CTC1: variants seen among roughly 807,000 people sequenced by gnomAD.
CTC1 encodes CST complex subunit CTC1.
Under a neutral mutation model 136.3 loss-of-function variants are expected in CTC1, and 91 were observed. That is an observed-to-expected ratio of 0.67 (90% CI 0.56 to 0.79). The LOEUF (loss-of-function observed/expected upper bound fraction) is 0.79, where lower values mean the gene tolerates loss of function less well. Ranked by LOEUF, CTC1 falls within the 30% of genes least tolerant of loss-of-function variation. The pLI is 0.00. For synonymous variants in CTC1, 606 were observed against 613.8 expected (o/e 0.99, Z 0.19); for missense variants, 1,432 against 1,498.1 (o/e 0.96, Z 0.73).
rs1251823373 is a variant in CTC1, at chr17:8,226,071, G to A, written c.*2109C>T. On this transcript the variant is annotated 3_prime_UTR_variant, in exon 23 of 23. Coordinates refer to ENST00000651323, the MANE Select transcript of CTC1 (RefSeq NM_025099.6). ...GCAACATTTCTGCCCCTAAGTTAGA[G>A]AACCACCTTTTAGAGTGGCGATCTC... 1 of 152,120 alleles carries A rather than the reference G, an allele frequency of 6.6e-6. No homozygotes were observed. The highest frequency in any genetic ancestry group is 2.4e-5 in the African/African-American group (1 of 41,424). The allele number at this position is 152,120 out of a possible 1,614,324, so 9.4% of individuals were successfully genotyped here.
intron 8 of CTC1, 46 bp from the exon 9 acceptor site, chr17:8,234,972 C>A: frequency 6.3e-7 from 1 of 1,596,726 alleles, no homozygotes; most frequent in Non-Finnish European, 8.6e-7. Flanking sequence ...AAGAGCCTGC[C>A]TCTTCAAGAA....
At chr17:8,234,034 G>A (rs1875733087) in intron 10 of CTC1, among the ~76,000 whole-genome samples, 1 of 152,094 alleles carries the variant, frequency 6.6e-6, no homozygotes, top group Admixed American at 6.5e-5. Context: ...GCCCCGGCTG[G>A]AGTGCAGTGG....
Position 8,234,628 on chromosome 17 carries a change from AG to A in CTC1, c.1644del (p.Phe549SerfsTer7). 1.2e-6 allele frequency: 2 copies of A among 1,612,732 alleles called. No individual in the cohort carries two copies. The highest frequency in any genetic ancestry group is 2.2e-5 in the South Asian group (2 of 90,942). ...QKYTRLQTPS[S>X]FPTLATLKEE... ...TCTTTCAGGGTGGCCAGAGTGGGGA[AG>A]GAGGAGGGAGTCTGCAGCCGAGTGT... On this transcript the variant is annotated frameshift_variant, in exon 10 of 23. Coordinates refer to ENST00000651323, the MANE Select transcript of CTC1 (RefSeq NM_025099.6). LOFTEE classifies it high-confidence loss of function.
chr17:8,247,979 C>G, intron 1 of CTC1, 25 bp downstream of exon 1: 2 of 1,602,714 alleles, frequency 1.2e-6, no homozygotes, highest in Non-Finnish European at 1.7e-6. Context: ...AAAAAAGGAA[C>G]AAGAGACGTA....
chr17:8,243,166 A>T lies in CTC1; in HGVS notation c.34-18T>A. 1 of 1,608,018 alleles carries T rather than the reference A, an allele frequency of 6.2e-7. No individual in the cohort carries two copies. Among genetic ancestry groups the T allele is most frequent in the Non-Finnish European group, 8.5e-7 (1 of 1,177,392 alleles). ...GCTTGTTCCTGAGGAAAGTGAATTTAGTTAAAACATCTTGACTATCCGGCC... is the reference window on the plus strand; with the variant it reads ...GCTTGTTCCTGAGGAAAGTGAATTTTGTTAAAACATCTTGACTATCCGGCC... On this transcript the variant is annotated intron_variant, in intron 1 of 22. Coordinates refer to ENST00000651323, the MANE Select transcript of CTC1 (RefSeq NM_025099.6).
intron 2 of CTC1, among the ~76,000 whole-genome samples, chr17:8,240,300 A>G (rs1401500123): frequency 6.6e-6 from 1 of 151,574 alleles, no homozygotes. Flanking sequence ...GACTACAGGC[A>G]TGTGCCACCA....
At chr17:8,230,255 C>T in intron 17 of CTC1, 39 bp downstream of exon 17, 1 of 1,578,932 alleles carries the variant, frequency 6.3e-7, no homozygotes, top group East Asian at 2.2e-5. Flanking sequence ...AGAGCCACAT[C>T]AGTAGCAAGA....
rs756487472 is a variant in CTC1 at position 8,230,428 on chromosome 17, G to A, written c.2799C>T (p.Val933=). The change falls in exon 17 of 23, where the codon GTC becomes GTT. Residue 933 remains valine, a synonymous_variant. Coordinates refer to ENST00000651323, the MANE Select transcript of CTC1 (RefSeq NM_025099.6). ...GAMRRCVKLT[V]ALETAECEFP... The stretch of plus-strand genomic sequence containing the variant: ...ATTCACATTCAGCAGTCTCAAGAGC[G>A]ACTGTTAGCTTCACACACCTTCTCA... The A allele has an allele frequency of 2.5e-6, 4 of 1,613,950 alleles. No individual in the cohort carries two copies. Among genetic ancestry groups the A allele is most frequent in the African/African-American group, 1.3e-5 (1 of 74,906 alleles).
chr17:8,227,019 C>CA lies in CTC1; in HGVS notation c.*1160_*1161insT, dbSNP rs1438497402. The CA allele has an allele frequency of 6.6e-6, 1 of 152,244 alleles. No homozygotes were observed. Among genetic ancestry groups the CA allele is most frequent in the Non-Finnish European group, 1.5e-5 (1 of 68,044 alleles). The allele number at this position is 152,244 out of a possible 1,614,324, so 9.4% of individuals were successfully genotyped here. On this transcript the variant is annotated 3_prime_UTR_variant, in exon 23 of 23. Coordinates refer to ENST00000651323, the MANE Select transcript of CTC1 (RefSeq NM_025099.6). ...CCCGTACGGGGTTCGAACCCGCGAC[C>CA]TTGGCGTTATTAGCACCACGCTCTA...
chr17:8,239,240 G>A (rs1399298764), intron 2 of CTC1, among the ~76,000 whole-genome samples: 2 of 152,156 alleles, frequency 1.3e-5, no homozygotes, highest in Non-Finnish European at 2.9e-5. Context: ...AAATGAATGT[G>A]TGGGGAGAAC....
intron 1 of CTC1, among the ~76,000 whole-genome samples, chr17:8,246,624 C>T (rs568422503): frequency 2.0e-5 from 3 of 152,226 alleles, no homozygotes; most frequent in African/African-American, 7.2e-5. Flanking sequence ...CAGTGGCTCA[C>T]GCCTGTAATC....
rs1426132793 is a variant in CTC1, at chr17:8,230,369, G to A, written c.2858C>T (p.Pro953Leu). 7 of 1,613,992 alleles carry A rather than the reference G, an allele frequency of 4.3e-6. No homozygotes were observed. Among genetic ancestry groups the A allele is most frequent in the Non-Finnish European group, 5.9e-6 (7 of 1,180,016 alleles). ...TAGTCCTAGTGAGGGAGGCAAGTGT[G>A]GGTCTTCTATATATACATCCAGGTG... ...PPHLDVYIED[P>L]HLPPSLGLLP... Residue 953 changes from proline (P) to leucine (L), a missense_variant, in exon 17 of 23, where the codon CCA (proline) becomes CTA (leucine). Coordinates refer to ENST00000651323, the MANE Select transcript of CTC1 (RefSeq NM_025099.6).
rs886864315 is a variant in CTC1, at chr17:8,227,899, C to T, written c.*281G>A. 4.1e-5 allele frequency: 14 copies of T among 343,446 alleles called. No individual in the cohort carries two copies. Among genetic ancestry groups the T allele is most frequent in the Non-Finnish European group, 7.6e-5 (14 of 183,232 alleles). 21.3% of individuals were successfully genotyped at this position (343,446 alleles called of 1,614,324 possible). A position where few individuals can be genotyped will look rare whatever the true frequency, so the allele number is the denominator to read the frequency against. On this transcript the variant is annotated 3_prime_UTR_variant, in exon 23 of 23. Coordinates refer to ENST00000651323, the MANE Select transcript of CTC1 (RefSeq NM_025099.6). The stretch of plus-strand genomic sequence containing the variant: ...GCGAGCAAGTCTTTTGTTCCCTCAG[C>T]TCCTGCGACAAAGTCAGAACCCAGG...
intron 2 of CTC1, among the ~76,000 whole-genome samples, chr17:8,241,677 T>C (rs1277843286): frequency 6.8e-6 from 1 of 147,316 alleles, no homozygotes; most frequent in African/African-American, 2.5e-5. Context: ...TGGGAGGCCA[T>C]GGTAGGAGGA....
intron 10 of CTC1, 107 bp downstream of exon 10, chr17:8,234,348 G>T (rs1342932670): frequency 1.9e-6 from 2 of 1,071,474 alleles, no homozygotes; most frequent in Non-Finnish European, 2.8e-6. Flanking sequence ...TGCTTAGAAG[G>T]CTAGTGTAGT....
chr17:8,246,586 C>T (rs1988728315), intron 1 of CTC1, among the ~76,000 whole-genome samples: 1 of 152,096 alleles, frequency 6.6e-6, no homozygotes, highest in South Asian at 2.1e-4. Flanking sequence ...CTTCCTTTCC[C>T]TACATAGGTC....
At chr17:8,235,727 A>G in intron 7 of CTC1, 104 bp downstream of exon 7, 4 of 1,304,102 alleles carry the variant, frequency 3.1e-6, no homozygotes, top group Non-Finnish European at 4.2e-6. Context: ...ACACACTTTT[A>G]ATTTCTATAT....
At position 8,247,987 on chromosome 17, in the gene CTC1, G is replaced by C; in HGVS notation, c.33+17C>G. 5 of 1,557,846 alleles carry C rather than the reference G, an allele frequency of 3.2e-6. No homozygotes were observed. Among genetic ancestry groups the C allele is most frequent in the South Asian group, 1.1e-5 (1 of 89,898 alleles). On this transcript the variant is annotated intron_variant, in intron 1 of 22. Transcript: ENST00000651323. ...AAACAAGAAAAAAGGAACAAGAGAC[G>C]TAATAGCAGCACTCACGGAGGAAGG...
rs756431160 is a variant in CTC1, at chr17:8,238,554, T to C, written c.273A>G (p.Ala91=). 5 of 1,614,184 alleles carry C rather than the reference T, an allele frequency of 3.1e-6. No individual in the cohort carries two copies. The highest frequency in any genetic ancestry group is 4.2e-6 in the Non-Finnish European group (5 of 1,180,012). The part of the protein sequence containing the change: ...CCSHLSWSSS[A]YQAWAQEAGP... Reference sequence around the variant, plus strand: ...CAGCCTCTTGGGCCCAGGCCTGGTATGCACTACTGCTCCACGACAGGTGGC... The same window carrying C: ...CAGCCTCTTGGGCCCAGGCCTGGTACGCACTACTGCTCCACGACAGGTGGC... Residue 91 remains alanine (A), a synonymous_variant, in exon 3 of 23, where the codon GCA becomes GCG. Transcript: ENST00000651323.
Sources: allele counts gnomAD v4.1 joint callset (sites outside exome capture counted in the v4.1 genomes callset), GRCh38; gene constraint gnomAD v4.1.1; transcripts MANE v1.5; gene names NCBI Gene and HGNC (gene_info 2026-07-23, HGNC 2026-07-21).